KCNT2: variants seen among roughly 807,000 people sequenced by gnomAD.
KCNT2 encodes the protein potassium sodium-activated channel subfamily T member 2.
In KCNT2, 67 loss-of-function variants were observed where a neutral mutation model predicts 153.8. That is an observed-to-expected ratio of 0.44 (90% CI 0.36 to 0.53). The LOEUF (loss-of-function observed/expected upper bound fraction) is 0.53. KCNT2 is among the 20% of genes least tolerant of loss of function. KCNT2 has a pLI of 0.00. For synonymous variants in KCNT2, 500 were observed against 458.8 expected, an observed-to-expected ratio of 1.09 and a Z score of -1.15; for missense variants, 975 against 1,354.8, an observed-to-expected ratio of 0.72 and a Z score of 4.40.
At chr1:196,544,377 T>A (rs1172922243) in intron 1 of KCNT2, among the ~76,000 whole-genome samples, 1 of 151,992 alleles carries the variant, frequency 6.6e-6, no homozygotes, top group Non-Finnish European at 1.5e-5. Context: ...AAATTGATGG[T>A]CTTTAGAAAT....
intron 1 of KCNT2, among the ~76,000 whole-genome samples, chr1:196,505,401 A>C (rs1197073625): frequency 6.6e-6 from 1 of 151,864 alleles, no homozygotes; most frequent in Non-Finnish European, 1.5e-5. Flanking sequence ...TGTAGATATG[A>C]GGCATTATTT....
At position 196,468,600 on chromosome 1, in the gene KCNT2, T is replaced by C. The variant is rs572023291; in HGVS notation, c.459+394A>G. On this transcript the variant is annotated intron_variant, in intron 6 of 27. Transcript: ENST00000294725. ...ACAGAACTAGACTTAATAAATCTTG[T>C]GGTTAAACCACAGATAGATATTTTC... Among the ~76,000 whole-genome samples the C allele has an allele frequency of 3.9e-5, 6 of 152,150 alleles. No homozygotes were observed. The South Asian group carries it at 1.2e-3, about 32-fold the overall frequency.
intron 1 of KCNT2, among the ~76,000 whole-genome samples, chr1:196,524,289 G>A (rs531330387): frequency 2.0e-5 from 3 of 152,142 alleles, no homozygotes; most frequent in South Asian, 2.1e-4. Context: ...GATTATTTCA[G>A]GTTCACACAT....
intron 1 of KCNT2, among the ~76,000 whole-genome samples, chr1:196,561,675 A>AAAAAAAAAAAAAAAAAAAAAAAACAG: frequency 2.7e-5 from 1 of 36,490 alleles, no homozygotes; most frequent in African/African-American, 4.2e-5. Flanking sequence ...AAAAAAAAAA[A>AAAAAAAAAAAAAAAAAAAAAAAACAG]AAGAAGAAGA....
intron 1 of KCNT2, among the ~76,000 whole-genome samples, chr1:196,542,536 T>C (rs1656520515): frequency 6.6e-6 from 1 of 152,122 alleles, no homozygotes; most frequent in African/African-American, 2.4e-5. Context: ...CAGTACACCT[T>C]TCTTGTATAA....
At position 196,505,609 on chromosome 1, in the gene KCNT2, A is replaced by G. The variant is rs191524290; in HGVS notation, c.96-13268T>C. Among the ~76,000 whole-genome samples the G allele has an allele frequency of 1.7e-3, 256 of 152,278 alleles. 1 individual carries two copies. Among genetic ancestry groups the G allele is most frequent in the African/African-American group, 5.9e-3 (245 of 41,564 alleles). On this transcript the variant is annotated intron_variant, in intron 1 of 27. Coordinates refer to ENST00000294725, the MANE Select transcript of KCNT2 (RefSeq NM_198503.5). ...TATGAATTTTAAGGTAGTTTCTTCC[A>G]ATTCTGTGAAGAAAGTCATTGGTAG... is the stretch of plus-strand genomic sequence containing the variant.
At chr1:196,464,685 T>A (rs1677453655) in intron 8 of KCNT2, among the ~76,000 whole-genome samples, 1 of 151,970 alleles carries the variant, frequency 6.6e-6, no homozygotes, top group Admixed American at 6.6e-5. Context: ...TCTGAATGAA[T>A]CCATATGTCC....
At chr1:196,424,310 A>T (rs1435945567) in intron 11 of KCNT2, among the ~76,000 whole-genome samples, 1 of 151,946 alleles carries the variant, frequency 6.6e-6, no homozygotes, top group Non-Finnish European at 1.5e-5. Context: ...GTATTACACA[A>T]ATTCATATTG....
chr1:196,433,646 T>C (rs1402303128), intron 8 of KCNT2, among the ~76,000 whole-genome samples: 4 of 152,102 alleles, frequency 2.6e-5, no homozygotes, highest in Non-Finnish European at 5.9e-5. Flanking sequence ...TTGTGAATAC[T>C]CACTATGGCT....
At position 196,226,725 on chromosome 1, in the gene KCNT2, T is replaced by A. The variant is rs1653517119; in HGVS notation, c.*1499A>T. On this transcript the variant is annotated 3_prime_UTR_variant, in exon 28 of 28. Transcript: ENST00000294725. Reference sequence around the variant, plus strand: ...AGAGTACATTAGAATATCTTTTCTTTAAAAATTTTATTATCCTTTAAGTTG... The same window carrying A: ...AGAGTACATTAGAATATCTTTTCTTAAAAAATTTTATTATCCTTTAAGTTG... The A allele has an allele frequency of 6.6e-6, 1 of 151,998 alleles. No homozygotes were observed. Among genetic ancestry groups the A allele is most frequent in the Non-Finnish European group, 1.5e-5 (1 of 67,852 alleles). 9.4% of individuals were successfully genotyped at this position (151,998 alleles called of 1,614,324 possible).
intron 22 of KCNT2, among the ~76,000 whole-genome samples, chr1:196,297,906 T>A (rs1280854633): frequency 6.6e-6 from 1 of 152,202 alleles, no homozygotes; most frequent in Non-Finnish European, 1.5e-5. Flanking sequence ...TTCAATGTTG[T>A]AATGCCTAGA....
chr1:196,521,564 G>C (rs1000382883), intron 1 of KCNT2, among the ~76,000 whole-genome samples: 2 of 152,034 alleles, frequency 1.3e-5, no homozygotes, highest in Admixed American at 6.6e-5. Flanking sequence ...TCCATCAATG[G>C]TAGACTGAAA....
intron 1 of KCNT2, among the ~76,000 whole-genome samples, chr1:196,532,376 T>C (rs1655063927): frequency 6.6e-6 from 1 of 152,026 alleles, no homozygotes; most frequent in African/African-American, 2.4e-5. Context: ...AATAGAAGCA[T>C]TCAACAGCTA....
At position 196,227,699 on chromosome 1, in the gene KCNT2, T is replaced by C. The variant is rs1053804397; in HGVS notation, c.*525A>G. ...TAAAATGACTTAAAGATTTGTATTC[T>C]AAAGCAAACTATGATTCTTACACAA... is the stretch of plus-strand genomic sequence containing the variant. On this transcript the variant is annotated 3_prime_UTR_variant, in exon 28 of 28. Coordinates refer to ENST00000294725, the MANE Select transcript of KCNT2 (RefSeq NM_198503.5). 1 of 152,584 alleles carries C rather than the reference T, an allele frequency of 6.6e-6. No individual in the cohort carries two copies. Among genetic ancestry groups the C allele is most frequent in the Non-Finnish European group, 1.5e-5 (1 of 67,976 alleles). The allele number at this position is 152,584 out of a possible 1,614,324, so 9.5% of individuals were successfully genotyped here.
intron 27 of KCNT2, among the ~76,000 whole-genome samples, chr1:196,235,443 T>C (rs746151153): frequency 2.0e-5 from 3 of 151,478 alleles, no homozygotes; most frequent in Non-Finnish European, 4.4e-5. Context: ...TGCTATTAAA[T>C]TTTTCATGTG....
intron 1 of KCNT2, among the ~76,000 whole-genome samples, chr1:196,556,448 A>G (rs1243809739): frequency 1.3e-5 from 2 of 151,500 alleles, no homozygotes; most frequent in African/African-American, 4.8e-5. Context: ...CTGTAATGAG[A>G]TAACCTCTCA....
At chr1:196,236,867 A>T (rs750478069) in intron 26 of KCNT2, among the ~76,000 whole-genome samples, 6 of 151,602 alleles carry the variant, frequency 4.0e-5, no homozygotes, top group Non-Finnish European at 5.9e-5. Flanking sequence ...CAAGATTATC[A>T]TAAGATGTAA....
chr1:196,334,483 C>CTTTTTTTTTTTTTTTTTTTTTTT (rs757677685), intron 16 of KCNT2, among the ~76,000 whole-genome samples: 2 of 42,332 alleles, frequency 4.7e-5, no homozygotes, highest in Non-Finnish European at 3.9e-5. Flanking sequence ...TTCTTTCTTT[C>CTTTTTTTTTTTTTTTTTTTTTTT]TTTCTTTTTT....
intron 16 of KCNT2, among the ~76,000 whole-genome samples, chr1:196,335,381 C>T (rs1427042967): frequency 6.6e-6 from 1 of 152,088 alleles, no homozygotes; most frequent in Non-Finnish European, 1.5e-5. Context: ...TAGCCTACTG[C>T]TATATGGTAT....
Sources: gnomAD v4.1 joint callset for allele counts (sites outside exome capture counted in the v4.1 genomes callset) on GRCh38, gnomAD v4.1.1 for gene constraint, MANE v1.5 for transcripts, NCBI Gene and HGNC (gene_info 2026-07-23, HGNC 2026-07-21) for gene names.